Variants in SYTL3 observed in about 807,000 individuals in gnomAD.
The protein encoded by SYTL3 is synaptotagmin-like protein 3.
SYTL3 carries 88 observed loss-of-function variants against 82.1 expected under a neutral mutation model. The ratio of observed to expected loss-of-function variants is 1.07; its 90% confidence interval spans 0.90 to 1.28. SYTL3 has a LOEUF of 1.28. SYTL3 is among the 50% of genes most tolerant of loss of function. The pLI is 0.00. For missense variants in SYTL3, 831 were observed against 757.6 expected, an observed-to-expected ratio of 1.10 and a Z score of -1.14; for synonymous variants, 311 against 289.4, an observed-to-expected ratio of 1.07 and a Z score of -0.76.
chr6:158,646,935 C>G (rs146238780), upstream of SYTL3, among the ~76,000 whole-genome samples: 310 of 152,254 alleles, frequency 2.0e-3, no homozygotes, highest in Non-Finnish European at 3.7e-3. Flanking sequence ...TCAGGAGCCT[C>G]TGAAATCTTT....
intron 7 of SYTL3, 121 bp from the exon 8 acceptor site, chr6:158,708,201 G>T: frequency 2.2e-6 from 2 of 900,908 alleles, no homozygotes; most frequent in Non-Finnish European, 3.7e-6. Flanking sequence ...AAAAAGTGAG[G>T]CAGTTTAAAA....
chr6:158,663,430 G>A (rs1322237007), intron 4 of SYTL3, 52 bp downstream of exon 4: 1 of 1,597,240 alleles, frequency 6.3e-7, no homozygotes, highest in South Asian at 1.1e-5. Flanking sequence ...TTCTCTGCTT[G>A]GGGCCTGCCA....
At chr6:158,683,215 C>CTTTTTTTTTT (rs35183958) in intron 6 of SYTL3, among the ~76,000 whole-genome samples, 2 of 92,110 alleles carry the variant, frequency 2.2e-5, no homozygotes, top group African/African-American at 9.3e-5. Flanking sequence ...GGCCCTATTC[C>CTTTTTTTTTT]TTTTTTTTTT....
rs1789588550 is a variant in SYTL3 at position 158,663,331 on chromosome 6, C to T, written c.63C>T (p.Val21=). The T allele has an allele frequency of 6.2e-7, 1 of 1,613,958 alleles. No homozygotes were observed. The highest frequency in any genetic ancestry group is 8.5e-7 in the Non-Finnish European group (1 of 1,180,030). The change falls in exon 4 of 18, where the codon GTC becomes GTT. Residue 21 remains valine, a synonymous_variant. Transcript: ENST00000611299. ...TAGAACGCGAGGCCATTCTCCAGGTCCTGTACCGAGACCAGGCGGTTCAAA... is the reference window on the plus strand; with the variant it reads ...TAGAACGCGAGGCCATTCTCCAGGTTCTGTACCGAGACCAGGCGGTTCAAA... ...KELEREAILQ[V]LYRDQAVQNT... is the part of the protein sequence containing the mutation.
intron 6 of SYTL3, among the ~76,000 whole-genome samples, chr6:158,689,289 C>T (rs1370746788): frequency 6.6e-6 from 1 of 152,146 alleles, no homozygotes; most frequent in Non-Finnish European, 1.5e-5. Flanking sequence ...AACATGCAAA[C>T]CAATAGATAA....
In SYTL3 at chr6:158,718,190, T is replaced by G. The variant is rs1240389128; in HGVS notation, c.699T>G (p.Thr233=). 2 of 1,540,506 alleles carry G rather than the reference T, an allele frequency of 1.3e-6. No homozygotes were observed. Among genetic ancestry groups the G allele is most frequent in the African/African-American group, 1.4e-5 (1 of 72,618 alleles). ...GQTERRSQSD[T]AVNVTTRKVS... ...CAGAGAGACGGAGCCAGTCTGACACTGCGGTCAACGTCACCACCAGGGTAC... is the reference window on the plus strand; with the variant it reads ...CAGAGAGACGGAGCCAGTCTGACACGGCGGTCAACGTCACCACCAGGGTAC... Residue 233 remains threonine, a synonymous_variant, in exon 10 of 18, where the codon ACT becomes ACG. Transcript: ENST00000611299.
At chr6:158,696,087 T>G (rs1167078738) in intron 6 of SYTL3, among the ~76,000 whole-genome samples, 2 of 152,242 alleles carry the variant, frequency 1.3e-5, no homozygotes, top group Non-Finnish European at 2.9e-5. Context: ...TATGTTTAAT[T>G]TATTGAGGAA....
chr6:158,744,283 GT>G (rs369210789), intron 11 of SYTL3, among the ~76,000 whole-genome samples: 4 of 121,546 alleles, frequency 3.3e-5, no homozygotes, highest in African/African-American at 6.1e-5. Context: ...CCCCAGGCTT[GT>G]TTTTTTTTTC....
In SYTL3 at chr6:158,745,523, A is replaced by C; in HGVS notation, c.899A>C (p.Asn300Thr). The C allele has an allele frequency of 6.2e-7, 1 of 1,613,548 alleles. No homozygotes were observed. The highest frequency in any genetic ancestry group is 8.5e-7 in the Non-Finnish European group (1 of 1,179,888). ...GACAGCACCTGTACAGAGATGGGCA[A>C]TTTTGACAATGCTAATGTCACTGGA... ...SIDSTCTEMGNFDNANVTGEI... is the reference protein window; with the variant it reads ...SIDSTCTEMGTFDNANVTGEI... The change falls in exon 12 of 18, where the codon AAT becomes ACT. Residue 300 changes from asparagine to threonine, a missense_variant. Physicochemically the swap from Asn to Thr is moderately conservative, Grantham distance 65. Transcript: ENST00000611299.
chr6:158,742,837 T>C (rs570551154), intron 11 of SYTL3, among the ~76,000 whole-genome samples: 1 of 152,220 alleles, frequency 6.6e-6, no homozygotes, highest in African/African-American at 2.4e-5. Context: ...TCTGCCCGCC[T>C]CGGCCTCCCA....
rs1397123221 is a variant in SYTL3 at position 158,764,792 on chromosome 6, T to C, written c.*188T>C. ...TATATTTACGTTAAACACAATTATG[T>C]TACCTAAGCCTCTGGTGGGTTATCT... On this transcript the variant is annotated 3_prime_UTR_variant, in exon 18 of 18. Transcript: ENST00000611299. The C allele has an allele frequency of 2.0e-6, 1 of 511,312 alleles. No individual in the cohort carries two copies. The highest frequency in any genetic ancestry group is 3.5e-6 in the Non-Finnish European group (1 of 286,220). The allele number at this position is 511,312 out of a possible 1,614,324, so 31.7% of individuals were successfully genotyped here. A position where few individuals can be genotyped will look rare whatever the true frequency, so the allele number is the denominator to read the frequency against.
chr6:158,680,669 T>A (rs1195337183), intron 5 of SYTL3, among the ~76,000 whole-genome samples: 1 of 151,856 alleles, frequency 6.6e-6, no homozygotes, highest in Non-Finnish European at 1.5e-5. Flanking sequence ...GGAGGATCGC[T>A]TGAGCCCGGG....
chr6:158,744,850 A>G (rs1225866855), intron 11 of SYTL3, among the ~76,000 whole-genome samples: 1 of 152,208 alleles, frequency 6.6e-6, no homozygotes, highest in African/African-American at 2.4e-5. Context: ...CTCCTTATCT[A>G]CATCGTATAA....
At chr6:158,759,065 C>T (rs895297954) in intron 14 of SYTL3, among the ~76,000 whole-genome samples, 3 of 152,222 alleles carry the variant, frequency 2.0e-5, no homozygotes, top group Admixed American at 6.5e-5. Flanking sequence ...CTGAATCCCC[C>T]GTGCACCCTG....
chr6:158,748,032 G>A (rs2128519505), intron 12 of SYTL3, among the ~76,000 whole-genome samples: 1 of 149,936 alleles, frequency 6.7e-6, no homozygotes, highest in South Asian at 2.1e-4. Context: ...AATTCCTGTG[G>A]CACCCAAGGG....
intron 6 of SYTL3, among the ~76,000 whole-genome samples, chr6:158,701,250 G>GGCTGTCT (rs1562393456): frequency 4.3e-4 from 6 of 13,856 alleles, no homozygotes; most frequent in Non-Finnish European, 8.5e-4. Flanking sequence ...GTAGATGAAG[G>GGCTGTCT]AGTGTGAGCT....
At chr6:158,726,319 T>C (rs371010473) in intron 11 of SYTL3, 22 of 385,688 alleles carry the variant, frequency 5.7e-5, no homozygotes, top group South Asian at 5.4e-4. Flanking sequence ...GGTTTCTTCT[T>C]TTTTAAGAAC....
intron 8 of SYTL3, among the ~76,000 whole-genome samples, chr6:158,712,759 CTTT>C (rs56677894): frequency 1.0e-4 from 13 of 127,616 alleles, no homozygotes; most frequent in Admixed American, 1.6e-4. Flanking sequence ...TTCTTTCTTT[CTTT>C]TTTTTTTTTT....
chr6:158,754,760 T>C (rs1043261812), intron 13 of SYTL3, among the ~76,000 whole-genome samples: 2 of 152,184 alleles, frequency 1.3e-5, no homozygotes, highest in Non-Finnish European at 2.9e-5. Flanking sequence ...ATTCTGTATG[T>C]AGCAGGGAGT....
Sources: gnomAD v4.1 joint callset for allele counts (sites outside exome capture counted in the v4.1 genomes callset) on GRCh38, gnomAD v4.1.1 for gene constraint, MANE v1.5 for transcripts, NCBI Gene and HGNC (gene_info 2026-07-23, HGNC 2026-07-21) for gene names.